KIF6: variants seen among roughly 807,000 people sequenced by gnomAD.
The protein encoded by KIF6 is kinesin family member 6.
In KIF6, 106 loss-of-function variants were observed where a neutral mutation model predicts 112.7. That is an observed-to-expected ratio of 0.94 (90% CI 0.80 to 1.11). The LOEUF is 1.11. KIF6 is among the 50% of genes least tolerant of loss of function. The pLI is 0.00. For synonymous variants in KIF6, 339 were observed against 339.9 expected, an observed-to-expected ratio of 1.00 and a Z score of 0.03; for missense variants, 929 against 964.0, an observed-to-expected ratio of 0.96 and a Z score of 0.48.
intron 13 of KIF6, among the ~76,000 whole-genome samples, chr6:39,492,278 G>A (rs1318680686): frequency 6.6e-6 from 1 of 152,220 alleles, no homozygotes; most frequent in Non-Finnish European, 1.5e-5. Flanking sequence ...TTATCTTGAA[G>A]AGATGCATGG....
At chr6:39,655,980 A>G (rs1488784605) in intron 3 of KIF6, among the ~76,000 whole-genome samples, 1 of 152,218 alleles carries the variant, frequency 6.6e-6, no homozygotes, top group African/African-American at 2.4e-5. Context: ...TTGACCACAG[A>G]AGACATTTTT....
intron 15 of KIF6, among the ~76,000 whole-genome samples, chr6:39,386,812 T>C (rs1767467842): frequency 6.6e-6 from 1 of 152,204 alleles, no homozygotes; most frequent in East Asian, 1.9e-4. Flanking sequence ...AGCACACTTG[T>C]TAAAATGTCA....
At chr6:39,382,536 G>A (rs1368841189) in intron 16 of KIF6, among the ~76,000 whole-genome samples, 1 of 152,036 alleles carries the variant, frequency 6.6e-6, no homozygotes, top group Non-Finnish European at 1.5e-5. Flanking sequence ...TCCATGATGT[G>A]TACCACATTT....
chr6:39,673,702 T>A (rs113778822), intron 3 of KIF6, among the ~76,000 whole-genome samples: 228 of 152,280 alleles, frequency 1.5e-3, no homozygotes, highest in African/African-American at 5.3e-3. Flanking sequence ...GAATAAAGCT[T>A]TGGAAACAGA....
At chr6:39,452,335 C>T (rs981260071) in intron 13 of KIF6, among the ~76,000 whole-genome samples, 19 of 152,204 alleles carry the variant, frequency 1.2e-4, no homozygotes, top group Non-Finnish European at 1.6e-4. Context: ...TGTTCACTGG[C>T]GGATGCTCCA....
chr6:39,385,639 A>G lies in KIF6; in HGVS notation c.1844T>C (p.Ile615Thr). 6.2e-7 allele frequency: 1 copy of G among 1,613,674 alleles called. No homozygotes were observed. The highest frequency in any genetic ancestry group is 8.5e-7 in the Non-Finnish European group (1 of 1,179,708). The change falls in exon 16 of 23, where the codon ATA (isoleucine) becomes ACA (threonine). Residue 615 changes from isoleucine (I) to threonine (T), a missense_variant. Ile to Thr is a moderately conservative substitution (Grantham distance 89). Around this residue, in one of 2 missense-constraint regions of KIF6, gnomAD observed 241 missense variants for 301.4 expected, o/e 0.80. Coordinates refer to ENST00000287152, the MANE Select transcript of KIF6 (RefSeq NM_145027.6). ...HLKEEITQRH[I>T]QQVALGISEN... The stretch of plus-strand genomic sequence containing the variant: ...GTACCTACCTAGGGCTACTTGCTGT[A>G]TATGCCGCTGGGTGATTTCTTCCTT...
intron 7 of KIF6, among the ~76,000 whole-genome samples, chr6:39,592,987 C>T (rs1235989974): frequency 6.6e-6 from 1 of 152,032 alleles, no homozygotes; most frequent in South Asian, 2.1e-4. Flanking sequence ...ATATTGAAAC[C>T]GAGAGAGGGG....
At chr6:39,478,208 C>T (rs1283107872) in intron 13 of KIF6, among the ~76,000 whole-genome samples, 1 of 151,954 alleles carries the variant, frequency 6.6e-6, no homozygotes, top group African/African-American at 2.4e-5. Context: ...TCACCCTTTC[C>T]CCCAAGTCCC....
At chr6:39,594,329 A>G (rs1303657388) in intron 7 of KIF6, among the ~76,000 whole-genome samples, 1 of 152,216 alleles carries the variant, frequency 6.6e-6, no homozygotes, top group African/African-American at 2.4e-5. Context: ...GGAAATTAAA[A>G]CAGACAGTGC....
chr6:39,411,325 CA>C (rs1769460734), intron 15 of KIF6, among the ~76,000 whole-genome samples: 1 of 152,336 alleles, frequency 6.6e-6, no homozygotes, highest in Admixed American at 6.5e-5. Context: ...GCTCCTATTA[CA>C]GCTTGGAGGG....
In KIF6 at chr6:39,473,186, A is replaced by C. The variant is rs191331338; in HGVS notation, c.1646-42025T>G. ...CAGGCGTGAGCCACAGCACCCGGTCAAAAAAAAAGGTGCACATTTTTCAAT... is the reference window on the plus strand; with the variant it reads ...CAGGCGTGAGCCACAGCACCCGGTCCAAAAAAAAGGTGCACATTTTTCAAT... On this transcript the variant is annotated intron_variant, in intron 13 of 22. Coordinates refer to ENST00000287152, the MANE Select transcript of KIF6 (RefSeq NM_145027.6). Among the ~76,000 whole-genome samples the C allele has an allele frequency of 3.2e-3, 486 of 151,410 alleles. 2 individuals are homozygous for C. The highest frequency in any genetic ancestry group is 5.6e-3 in the Non-Finnish European group (378 of 67,730).
intron 5 of KIF6, among the ~76,000 whole-genome samples, chr6:39,619,844 C>A (rs993570694): frequency 4.6e-5 from 7 of 152,186 alleles, no homozygotes; most frequent in Admixed American, 3.9e-4. Context: ...TATGTTATTT[C>A]CATTGTCTTT....
chr6:39,630,254 A>G (rs1226500865), intron 5 of KIF6, among the ~76,000 whole-genome samples: 2 of 152,096 alleles, frequency 1.3e-5, no homozygotes, highest in African/African-American at 4.8e-5. Flanking sequence ...AAATTGATCT[A>G]TACTTTATCT....
At chr6:39,547,707 T>C (rs1161086615) in intron 10 of KIF6, among the ~76,000 whole-genome samples, 1 of 152,234 alleles carries the variant, frequency 6.6e-6, no homozygotes, top group Non-Finnish European at 1.5e-5. Flanking sequence ...AATGAGATCA[T>C]AGTCTGAATA....
chr6:39,471,588 G>A (rs1373809643), intron 13 of KIF6, among the ~76,000 whole-genome samples: 1 of 152,180 alleles, frequency 6.6e-6, no homozygotes, highest in African/African-American at 2.4e-5. Flanking sequence ...TACCTAAAGG[G>A]TCTCAGTGTC....
chr6:39,585,100 A>G, intron 8 of KIF6, 116 bp from the exon 9 acceptor site: 3 of 639,346 alleles, frequency 4.7e-6, no homozygotes, highest in Non-Finnish European at 8.3e-6. Context: ...TGATGTGTAT[A>G]AAACTCACAG....
At chr6:39,383,340 T>C (rs1350612066) in intron 16 of KIF6, among the ~76,000 whole-genome samples, 1 of 152,222 alleles carries the variant, frequency 6.6e-6, no homozygotes. Flanking sequence ...TTAATTTTTG[T>C]GTATGGTTAG....
At chr6:39,436,677 A>G (rs989645844) in intron 13 of KIF6, among the ~76,000 whole-genome samples, 1 of 152,104 alleles carries the variant, frequency 6.6e-6, no homozygotes, top group Non-Finnish European at 1.5e-5. Flanking sequence ...AGTTGGTTGT[A>G]AATATTTGCT....
chr6:39,472,805 A>G (rs975991646), intron 13 of KIF6, among the ~76,000 whole-genome samples: 8 of 152,020 alleles, frequency 5.3e-5, no homozygotes, highest in African/African-American at 1.9e-4. Flanking sequence ...TTTTGTTTTG[A>G]TGCAACTACA....
Sources: gnomAD v4.1 joint callset for allele counts (sites outside exome capture counted in the v4.1 genomes callset) on GRCh38, gnomAD v4.1.1 for gene constraint, gnomAD v4.1.1 regional missense constraint, MANE v1.5 for transcripts, NCBI Gene and HGNC (gene_info 2026-07-23, HGNC 2026-07-21) for gene names.